SCN9A: variants seen among roughly 807,000 people sequenced by gnomAD.
The protein encoded by SCN9A is sodium voltage-gated channel alpha subunit 9, also known as sodium channel protein type 9 subunit alpha.
A neutral mutation model predicts 187.0 loss-of-function variants in SCN9A; 131 were observed. The observed-to-expected ratio is 0.70, with a 90% CI of 0.61 to 0.81. The LOEUF is 0.81. SCN9A is among the 30% of genes least tolerant of loss of function. The pLI, the probability that SCN9A is intolerant of heterozygous loss-of-function variation, is 0.00. For synonymous variants in SCN9A, 809 were observed against 808.6 expected, an observed-to-expected ratio of 1.00 and a Z score of -0.01; for missense variants, 2,252 against 2,396.6, an observed-to-expected ratio of 0.94 and a Z score of 1.26.
intron 17 of SCN9A, among the ~76,000 whole-genome samples, chr2:166,256,425 GA>G (rs551314666): frequency 6.6e-6 from 1 of 150,682 alleles, no homozygotes; most frequent in East Asian, 2.0e-4. Context: ...GGAATTTCAG[GA>G]AAAAAATGGA....
intron 1 of SCN9A, among the ~76,000 whole-genome samples, chr2:166,352,712 C>A (rs1700060355): frequency 6.6e-6 from 1 of 152,162 alleles, no homozygotes; most frequent in Admixed American, 6.5e-5. Flanking sequence ...TTTTCCTACA[C>A]ACAGCATAAG....
Position 166,198,141 on chromosome 2 carries a change from TAG to T in SCN9A, c.*529_*530del, listed in dbSNP as rs140024416. Reference sequence around the variant, plus strand: ...GAATAAATTTAAGCACCTCAAAATATAGAATAACCTCTGTACATTGATAAAAA... The same window carrying T: ...GAATAAATTTAAGCACCTCAAAATATAATAACCTCTGTACATTGATAAAAA... On this transcript the variant is annotated 3_prime_UTR_variant, in exon 27 of 27. Coordinates refer to ENST00000642356, the MANE Select transcript of SCN9A (RefSeq NM_001365536.1). 5,609 of 152,624 alleles carry T rather than the reference TAG, an allele frequency of 0.037. 336 individuals carry two copies. The highest frequency in any genetic ancestry group is 0.13 in the African/African-American group (5,225 of 41,534). The allele number at this position is 152,624 out of a possible 1,614,324, so 9.5% of individuals were successfully genotyped here. A position where few individuals can be genotyped will look rare whatever the true frequency, so the allele number is the denominator to read the frequency against.
At chr2:166,284,309 A>G (rs1697627572) in intron 12 of SCN9A, 144 bp downstream of exon 12, 2 of 917,774 alleles carry the variant, frequency 2.2e-6, no homozygotes, top group Non-Finnish European at 3.3e-6. Flanking sequence ...GGATTAGGCT[A>G]ATGAATCAAA....
intron 1 of SCN9A, among the ~76,000 whole-genome samples, chr2:166,367,555 G>A (rs533382711): frequency 2.0e-5 from 3 of 152,218 alleles, no homozygotes; most frequent in Admixed American, 6.5e-5. Context: ...GTAAGCCACC[G>A]CGCCTGGCCC....
Position 166,272,871 on chromosome 2 carries a change from A to G in SCN9A, c.2879T>C (p.Leu960Pro). Reference protein sequence around the residue: ...MVMVIGNLVVLNLFLALLLSS... With the variant: ...MVMVIGNLVVPNLFLALLLSS... Reference sequence around the variant, plus strand: ...CAATAATAAGGCCAGAAATAGGTTTAGGACCTATATCAGGGTGGGGAGAGG... The same window carrying G: ...CAATAATAAGGCCAGAAATAGGTTTGGGACCTATATCAGGGTGGGGAGAGG... The change falls in exon 17 of 27, where the codon CTA becomes CCA. Residue 960 changes from leucine (L) to proline (P), a missense_variant. Physicochemically the swap from Leu to Pro is moderately conservative, Grantham distance 98 (BLOSUM62 -3). This residue lies in a region of SCN9A where 119 missense variants were observed against 188.7 expected (regional missense o/e 0.63). Transcript: ENST00000642356. The G allele has an allele frequency of 6.9e-7, 1 of 1,452,278 alleles. No homozygotes were observed. Among genetic ancestry groups the G allele is most frequent in the African/African-American group, 1.4e-5 (1 of 70,536 alleles). 90.0% of individuals were successfully genotyped at this position (1,452,278 alleles called of 1,614,324 possible).
intron 17 of SCN9A, among the ~76,000 whole-genome samples, chr2:166,259,826 T>C (rs1242918337): frequency 6.6e-6 from 1 of 151,772 alleles, no homozygotes; most frequent in African/African-American, 2.4e-5. Context: ...ATTTCATTGT[T>C]TTTAGGCACG....
intron 24 of SCN9A, among the ~76,000 whole-genome samples, chr2:166,224,705 C>T (rs943928942): frequency 2.6e-5 from 4 of 152,048 alleles, no homozygotes; most frequent in African/African-American, 9.7e-5. Flanking sequence ...TAGTGTGGTC[C>T]AGGTGGCAGG....
intron 24 of SCN9A, among the ~76,000 whole-genome samples, chr2:166,218,828 A>G (rs1694453786): frequency 6.6e-6 from 1 of 152,226 alleles, no homozygotes; most frequent in Admixed American, 6.5e-5. Context: ...CATCTGACAA[A>G]GGTCTAATAT....
chr2:166,230,212 T>C (rs79832638), intron 21 of SCN9A, among the ~76,000 whole-genome samples: 4,573 of 152,282 alleles, frequency 0.03, 486 homozygotes, highest in Admixed American at 0.2. Flanking sequence ...CTGGGGTTTG[T>C]TGACCTTTGG....
intron 17 of SCN9A, among the ~76,000 whole-genome samples, chr2:166,264,711 T>C (rs1386976649): frequency 6.6e-6 from 1 of 151,890 alleles, no homozygotes. Context: ...TAAACTCTGT[T>C]GAGAAACCAG....
chr2:166,288,720 C>G (rs1485725946), intron 9 of SCN9A, 77 bp from the exon 10 acceptor site: 8 of 1,044,824 alleles, frequency 7.7e-6, no homozygotes, highest in Non-Finnish European at 1.1e-5. Context: ...CAGGCATGAG[C>G]AAATCTGACA....
At chr2:166,280,647 C>A in intron 13 of SCN9A, 52 bp from the exon 14 acceptor site, 1 of 1,037,826 alleles carries the variant, frequency 9.6e-7, no homozygotes. Context: ...TGTTTCACTC[C>A]TAACCAGATA....
Position 166,301,467 on chromosome 2 carries a change from T to C in SCN9A, c.901+1623A>G, listed in dbSNP as rs1484879426. 2 of 150,936 alleles carry C rather than the reference T, an allele frequency of 1.3e-5. 1 individual carries two copies. Among genetic ancestry groups the C allele is most frequent in the African/African-American group, 5.0e-5 (2 of 40,234 alleles). 9.3% of individuals were successfully genotyped at this position (150,936 alleles called of 1,614,324 possible). Reference sequence around the variant, plus strand: ...TGTTGCTGAGTTGAGCTCTCCGAACTTCTCTTGGTTCTGAGTGCTGCCTAA... The same window carrying C: ...TGTTGCTGAGTTGAGCTCTCCGAACCTCTCTTGGTTCTGAGTGCTGCCTAA... On this transcript the variant is annotated intron_variant, in intron 7 of 26. Coordinates refer to ENST00000642356, the MANE Select transcript of SCN9A (RefSeq NM_001365536.1).
chr2:166,204,336 C>A, intron 25 of SCN9A, 24 bp downstream of exon 25: 1 of 1,574,140 alleles, frequency 6.4e-7, no homozygotes, highest in South Asian at 1.1e-5. Context: ...AATCTATATG[C>A]TAAAGATATA....
intron 17 of SCN9A, among the ~76,000 whole-genome samples, chr2:166,267,431 T>C (rs541479225): frequency 6.6e-6 from 1 of 152,082 alleles, no homozygotes; most frequent in South Asian, 2.1e-4. Flanking sequence ...ATAATCTTTT[T>C]GATAGGCTGT....
chr2:166,304,246 A>G lies in SCN9A; in HGVS notation c.680T>C (p.Val227Ala). 6.2e-7 allele frequency: 1 copy of G among 1,613,388 alleles called. No individual in the cohort carries two copies. Among genetic ancestry groups the G allele is most frequent in the Non-Finnish European group, 8.5e-7 (1 of 1,179,422 alleles). ...RVLRALKTISVIPGLKTIVGA... is the reference protein window; with the variant it reads ...RVLRALKTISAIPGLKTIVGA... ...CACCAATTACTTCTTACCTGGGATT[A>G]CAGAAATAGTTTTCAAAGCTCTCAA... The change falls in exon 6 of 27, where the codon GTA (valine) becomes GCA (alanine). Residue 227 changes from valine (V) to alanine (A), a missense_variant. Around this residue, in one of 7 missense-constraint regions of SCN9A, gnomAD observed 1,013 missense variants for 997.4 expected, o/e 1.02. Coordinates refer to ENST00000642356, the MANE Select transcript of SCN9A (RefSeq NM_001365536.1).
chr2:166,370,232 A>ATCATCATCATCATCATCATCATCATCATC (rs1553507732), intron 1 of SCN9A, among the ~76,000 whole-genome samples: 1 of 137,306 alleles, frequency 7.3e-6, no homozygotes, highest in African/African-American at 2.7e-5. Flanking sequence ...TAATAATAAT[A>ATCATCATCATCATCATCATCATCATCATC]ATAATCATCA....
intron 20 of SCN9A, 67 bp from the exon 21 acceptor site, chr2:166,233,529 T>A (rs570854459): frequency 9.4e-5 from 127 of 1,347,146 alleles, no homozygotes; most frequent in Admixed American, 1.5e-4. Context: ...AAAAGTCAAT[T>A]CTGAAACTCA....
chr2:166,302,600 T>C (rs1698602012), intron 7 of SCN9A: 1 of 151,634 alleles, frequency 6.6e-6, no homozygotes, highest in Non-Finnish European at 1.5e-5. Flanking sequence ...ACTATCTTTA[T>C]ATTTGATAAT....
Sources: allele counts gnomAD v4.1 joint callset (sites outside exome capture counted in the v4.1 genomes callset), GRCh38; gene constraint gnomAD v4.1.1; regional missense constraint gnomAD v4.1.1; transcripts MANE v1.5; gene names NCBI Gene and HGNC (gene_info 2026-07-23, HGNC 2026-07-21).